Variants in XKR9 observed in about 807,000 individuals in gnomAD.
XKR9 encodes the protein XK related 9.
Under a neutral mutation model 32.0 loss-of-function variants are expected in XKR9, and 32 were observed. The ratio of observed to expected loss-of-function variants is 1.00; its 90% CI spans 0.76 to 1.34. The LOEUF is 1.34. XKR9 is among the 40% of genes most tolerant of loss of function. The probability of loss-of-function intolerance (pLI) is 0.00; values close to 1 mark genes in which losing one functional copy is unlikely to be tolerated. For synonymous variants in XKR9, 168 were observed against 143.4 expected (o/e 1.17, Z -1.22); for missense variants, 546 against 429.7 (o/e 1.27, Z -2.39).
At chr8:70,864,450 A>T in the XKR9 span, among the ~76,000 whole-genome samples, 1 of 152,196 alleles carries the variant, frequency 6.6e-6, no homozygotes, top group Non-Finnish European at 1.5e-5. Flanking sequence ...ATGAAATCTC[A>T]CATTTTCCCT....
At chr8:70,975,078 A>T in the XKR9 span, among the ~76,000 whole-genome samples, 1 of 151,910 alleles carries the variant, frequency 6.6e-6, no homozygotes, top group Non-Finnish European at 1.5e-5. Context: ...CCACTTTTTG[A>T]TGGGGTTGAT....
the XKR9 span, among the ~76,000 whole-genome samples, chr8:70,897,648 C>T: frequency 1.5e-3 from 228 of 152,266 alleles, no homozygotes; most frequent in African/African-American, 5.3e-3. Context: ...AGCACCTTTT[C>T]ATATACTTAT....
chr8:70,930,921 A>T, the XKR9 span, among the ~76,000 whole-genome samples: 26 of 152,066 alleles, frequency 1.7e-4, no homozygotes, highest in African/African-American at 6.3e-4. Flanking sequence ...AACCTTCTTC[A>T]CCTTTCTGGT....
intron 2 of XKR9, among the ~76,000 whole-genome samples, chr8:70,776,572 G>A (rs1807523131): frequency 6.6e-6 from 1 of 152,124 alleles, no homozygotes; most frequent in South Asian, 2.1e-4. Context: ...GGAGTTAAAT[G>A]CCTGTTCTCC....
chr8:70,867,439 A>T, the XKR9 span, among the ~76,000 whole-genome samples: 2 of 151,894 alleles, frequency 1.3e-5, no homozygotes, highest in Admixed American at 6.6e-5. Flanking sequence ...TAGTACCCCA[A>T]AGTCTTTTCT....
chr8:70,913,806 T>C, the XKR9 span, among the ~76,000 whole-genome samples: 1 of 152,158 alleles, frequency 6.6e-6, no homozygotes, highest in African/African-American at 2.4e-5. Flanking sequence ...ACTTTGGCTG[T>C]TTTGGAAAGT....
the XKR9 span, among the ~76,000 whole-genome samples, chr8:70,891,867 A>C: frequency 6.6e-6 from 1 of 152,030 alleles, no homozygotes; most frequent in Non-Finnish European, 1.5e-5. Context: ...GAAGTCCCCA[A>C]GCTATGATTT....
At chr8:71,043,472 C>G in the XKR9 span, among the ~76,000 whole-genome samples, 1 of 152,200 alleles carries the variant, frequency 6.6e-6, no homozygotes, top group African/African-American at 2.4e-5. Flanking sequence ...TCTGGAAGAC[C>G]TCACATCTAG....
At chr8:70,950,119 T>C in the XKR9 span, among the ~76,000 whole-genome samples, 1 of 152,306 alleles carries the variant, frequency 6.6e-6, no homozygotes, top group African/African-American at 2.4e-5. Flanking sequence ...CATTCATTCA[T>C]TCAATACTTT....
intron 4 of XKR9, among the ~76,000 whole-genome samples, chr8:70,724,902 GT>G (rs1479267121): frequency 1.3e-5 from 2 of 152,100 alleles, no homozygotes; most frequent in Non-Finnish European, 2.9e-5. Flanking sequence ...GTATTAGTAT[GT>G]TCTCATGCTT....
the XKR9 span, among the ~76,000 whole-genome samples, chr8:70,883,919 A>G: frequency 1.3e-5 from 2 of 152,142 alleles, no homozygotes; most frequent in African/African-American, 2.4e-5. Flanking sequence ...TGATTGCTCA[A>G]TTATGTAATA....
chr8:70,862,392 G>T, the XKR9 span, among the ~76,000 whole-genome samples: 2 of 151,750 alleles, frequency 1.3e-5, no homozygotes, highest in Non-Finnish European at 2.9e-5. Context: ...CATGGCACTG[G>T]CAAAAGAGAT....
the XKR9 span, among the ~76,000 whole-genome samples, chr8:71,038,385 A>G: frequency 8.7e-5 from 13 of 149,232 alleles, no homozygotes; most frequent in East Asian, 2.0e-4. Flanking sequence ...CAGTGGCACA[A>G]TCTTGGCTCA....
At chr8:70,978,495 A>G in the XKR9 span, among the ~76,000 whole-genome samples, 4 of 152,050 alleles carry the variant, frequency 2.6e-5, no homozygotes, top group African/African-American at 9.7e-5. Flanking sequence ...CACTTTTGAA[A>G]CTTAGTTTGG....
At chr8:70,759,907 A>G (rs973795894) in intron 2 of XKR9, among the ~76,000 whole-genome samples, 3 of 152,198 alleles carry the variant, frequency 2.0e-5, no homozygotes, top group Admixed American at 6.5e-5. Context: ...AAATGAATCA[A>G]ATTTATGAAG....
the XKR9 span, among the ~76,000 whole-genome samples, chr8:70,880,044 T>G: frequency 6.6e-6 from 1 of 152,208 alleles, no homozygotes. Context: ...TCTCAATAGA[T>G]GCAGAAAAGG....
At chr8:71,041,236 T>C in the XKR9 span, among the ~76,000 whole-genome samples, 1 of 152,150 alleles carries the variant, frequency 6.6e-6, no homozygotes, top group Non-Finnish European at 1.5e-5. Context: ...GATGCATACA[T>C]GATTTCTGAA....
chr8:70,920,069 A>C, the XKR9 span, among the ~76,000 whole-genome samples: 1 of 152,190 alleles, frequency 6.6e-6, no homozygotes, highest in Non-Finnish European at 1.5e-5. Flanking sequence ...GCAGCAGTGC[A>C]TGCCTATGAG....
chr8:70,946,156 A>C, the XKR9 span, among the ~76,000 whole-genome samples: 305 of 152,122 alleles, frequency 2.0e-3, 1 homozygote, highest in African/African-American at 7.1e-3. Context: ...AGAAAAACAG[A>C]CATGCTATTT....
Sources: gnomAD v4.1 joint callset for allele counts (sites outside exome capture counted in the v4.1 genomes callset) on GRCh38, gnomAD v4.1.1 for gene constraint, MANE v1.5 for transcripts, NCBI Gene and HGNC (gene_info 2026-07-23, HGNC 2026-07-21) for gene names.